Variants in WWOX observed in about 807,000 individuals in gnomAD.
WWOX encodes the protein WW domain-containing oxidoreductase.
Under a neutral mutation model 46.2 loss-of-function variants are expected in WWOX, and 69 were observed. The ratio of observed to expected loss-of-function variants is 1.49; its 90% confidence interval spans 1.23 to 1.82. The LOEUF is 1.82. Among genes scored for constraint, WWOX ranks in the 40% most tolerant of loss-of-function variants. The pLI, the probability that WWOX is intolerant of heterozygous loss-of-function variation, is 0.00. For synonymous variants in WWOX, 359 were observed against 202.6 expected (o/e 1.77, Z -6.56); for missense variants, 919 against 542.6 (o/e 1.69, Z -6.89).
At chr16:79,093,960 C>T (rs2049016587) in intron 8 of WWOX, among the ~76,000 whole-genome samples, 1 of 152,164 alleles carries the variant, frequency 6.6e-6, no homozygotes, top group Non-Finnish European at 1.5e-5. Flanking sequence ...TCACTTAGTA[C>T]CGTGTCATAT....
intron 8 of WWOX, among the ~76,000 whole-genome samples, chr16:78,579,335 G>C (rs1035086602): frequency 2.0e-5 from 3 of 152,156 alleles, no homozygotes; most frequent in African/African-American, 7.2e-5. Context: ...ATAAGAGTGA[G>C]ACAGGGAGGC....
chr16:78,945,681 T>A (rs1183254653), intron 8 of WWOX, among the ~76,000 whole-genome samples: 1 of 152,198 alleles, frequency 6.6e-6, no homozygotes, highest in Non-Finnish European at 1.5e-5. Context: ...TTCTTTGACT[T>A]TCCTTGTATG....
intron 5 of WWOX, among the ~76,000 whole-genome samples, chr16:78,375,852 ATTTTT>A (rs11312205): frequency 7.7e-6 from 1 of 129,280 alleles, no homozygotes; most frequent in Non-Finnish European, 1.7e-5. Flanking sequence ...CATGTATAGG[ATTTTT>A]TTTTTTTTTT....
intron 8 of WWOX, among the ~76,000 whole-genome samples, chr16:78,840,170 C>G (rs1424552622): frequency 6.6e-6 from 1 of 152,156 alleles, no homozygotes; most frequent in Non-Finnish European, 1.5e-5. Flanking sequence ...CCAGTTGACC[C>G]TCAGTGTGTA....
At position 78,480,646 on chromosome 16, in the gene WWOX, A is replaced by G. The variant is rs961977283; in HGVS notation, c.1056+47894A>G. ...AATTTAAAAATGTTATTTTTTACAG[A>G]TAGTACACAGATGCACTGACACAGG... On this transcript the variant is annotated intron_variant, in intron 8 of 8. Coordinates refer to ENST00000566780, the MANE Select transcript of WWOX (RefSeq NM_016373.4). Among the ~76,000 whole-genome samples the G allele has an allele frequency of 4.6e-5, 7 of 152,242 alleles. No homozygotes were observed. The East Asian group carries it at 7.7e-4, about 17-fold the overall frequency.
chr16:78,800,265 C>T (rs540074301), intron 8 of WWOX, among the ~76,000 whole-genome samples: 1 of 151,622 alleles, frequency 6.6e-6, no homozygotes. Context: ...AAAAGTCGAG[C>T]TTTTCAGCCA....
intron 4 of WWOX, among the ~76,000 whole-genome samples, chr16:78,150,665 G>T (rs2034373736): frequency 6.6e-6 from 1 of 152,056 alleles, no homozygotes; most frequent in South Asian, 2.1e-4. Context: ...TTACAGGTGT[G>T]AGCCACTGTG....
At chr16:79,142,510 A>C (rs1054647984) in intron 8 of WWOX, among the ~76,000 whole-genome samples, 4 of 152,188 alleles carry the variant, frequency 2.6e-5, no homozygotes, top group Non-Finnish European at 5.9e-5. Context: ...AACATTTTCT[A>C]GAACATACCT....
At chr16:79,046,386 A>G (rs905639119) in intron 8 of WWOX, among the ~76,000 whole-genome samples, 2 of 152,182 alleles carry the variant, frequency 1.3e-5, no homozygotes, top group Non-Finnish European at 2.9e-5. Context: ...TTATCAGTTC[A>G]GGCTGCTGTG....
At chr16:78,668,306 C>G (rs535760470) in intron 8 of WWOX, among the ~76,000 whole-genome samples, 7 of 152,198 alleles carry the variant, frequency 4.6e-5, no homozygotes, top group African/African-American at 1.7e-4. Flanking sequence ...AAACATACAA[C>G]TTAACTCTCA....
chr16:78,576,550 C>G (rs2044885027), intron 8 of WWOX, among the ~76,000 whole-genome samples: 1 of 152,186 alleles, frequency 6.6e-6, no homozygotes, highest in African/African-American at 2.4e-5. Context: ...AAAAATGCTG[C>G]TTTGAGGCCT....
At chr16:78,594,164 C>G (rs745319336) in intron 8 of WWOX, among the ~76,000 whole-genome samples, 5 of 151,264 alleles carry the variant, frequency 3.3e-5, no homozygotes, top group African/African-American at 9.8e-5. Flanking sequence ...AACCTGTCCT[C>G]TGCTTTATCT....
chr16:78,632,557 A>ATTTTTTTTTTTTTTTTT lies in WWOX; in HGVS notation c.1056+199810_1056+199826dup, dbSNP rs545062752. Among the ~76,000 whole-genome samples the ATTTTTTTTTTTTTTTTT allele has an allele frequency of 7.6e-4, 57 of 74,746 alleles. 7 individuals are homozygous for ATTTTTTTTTTTTTTTTT. The highest frequency in any genetic ancestry group is 9.4e-4 in the Non-Finnish European group (39 of 41,486). 49.0% of individuals were successfully genotyped at this position (74,746 alleles called of 152,430 possible). A position where few individuals can be genotyped will look rare whatever the true frequency, so the allele number is the denominator to read the frequency against. ...CTCTCTTCCCCCACTTACTTGGCCAATTTTTTTTTTTTTTTTTTTTTGGTG... is the reference window on the plus strand; with the variant it reads ...CTCTCTTCCCCCACTTACTTGGCCAATTTTTTTTTTTTTTTTTTTTTTTTTTTTTTTTTTTTTTGGTG... On this transcript the variant is annotated intron_variant, in intron 8 of 8. Transcript: ENST00000566780.
At chr16:79,004,761 T>C (rs901346930) in intron 8 of WWOX, 3 of 152,252 alleles carry the variant, frequency 2.0e-5, no homozygotes, top group Non-Finnish European at 4.4e-5. Flanking sequence ...TGCTTTATTT[T>C]ATATTTAGCC....
At chr16:78,736,172 G>T (rs959889663) in intron 8 of WWOX, among the ~76,000 whole-genome samples, 2 of 152,322 alleles carry the variant, frequency 1.3e-5, no homozygotes, top group African/African-American at 4.8e-5. Context: ...CTCAAATGAA[G>T]TCTGGCTTCA....
In WWOX at chr16:78,706,274, G is replaced by C. The variant is rs149690689; in HGVS notation, c.1056+273522G>C. Among the ~76,000 whole-genome samples, 1,111 of 152,028 alleles carry C rather than the reference G, an allele frequency of 7.3e-3. 8 individuals are homozygous for C. Among genetic ancestry groups the C allele is most frequent in the African/African-American group, 0.025 (1,053 of 41,466 alleles). On this transcript the variant is annotated intron_variant, in intron 8 of 8. Coordinates refer to ENST00000566780, the MANE Select transcript of WWOX (RefSeq NM_016373.4). Reference sequence around the variant, plus strand: ...TGACCCATATAAACTTTGTCTGTCTGTGTCTGTCAGTCTCACACACATCCT... The same window carrying C: ...TGACCCATATAAACTTTGTCTGTCTCTGTCTGTCAGTCTCACACACATCCT...
At chr16:78,680,223 A>G (rs937873086) in intron 8 of WWOX, among the ~76,000 whole-genome samples, 2 of 151,968 alleles carry the variant, frequency 1.3e-5, no homozygotes, top group Non-Finnish European at 2.9e-5. Flanking sequence ...CAGCCTGAGC[A>G]GCATAACGAG....
intron 8 of WWOX, among the ~76,000 whole-genome samples, chr16:78,918,264 TAAG>T (rs2045298506): frequency 6.6e-6 from 1 of 152,024 alleles, no homozygotes; most frequent in South Asian, 2.1e-4. Flanking sequence ...AAATAAAACA[TAAG>T]AAAAAAATAA....
chr16:78,891,975 C>A (rs1265261430), intron 8 of WWOX: 1 of 152,106 alleles, frequency 6.6e-6, no homozygotes, highest in South Asian at 2.1e-4. Flanking sequence ...CTTGAGAAAT[C>A]ATAACCTAGG....
Sources: allele counts gnomAD v4.1 joint callset (sites outside exome capture counted in the v4.1 genomes callset), GRCh38; gene constraint gnomAD v4.1.1; transcripts MANE v1.5; gene names NCBI Gene and HGNC (gene_info 2026-07-23, HGNC 2026-07-21).